PTPRJ: variants seen among roughly 807,000 people sequenced by gnomAD.
PTPRJ encodes the protein protein tyrosine phosphatase receptor type J, also known as receptor-type tyrosine-protein phosphatase eta.
A neutral mutation model predicts 141.3 loss-of-function variants in PTPRJ; 129 were observed. The ratio of observed to expected loss-of-function variants is 0.91; its 90% CI spans 0.79 to 1.06. PTPRJ has a LOEUF of 1.06. PTPRJ is among the 50% of genes least tolerant of loss of function. The pLI is 0.00. For synonymous variants in PTPRJ, 610 were observed against 640.5 expected (o/e 0.95, Z 0.72); for missense variants, 1,601 against 1,679.7 (o/e 0.95, Z 0.82).
Position 48,153,808 on chromosome 11 carries a change from G to A in PTPRJ, c.3151G>A (p.Val1051Ile). ...GTTTTGTTTTCAGGATCTGAAGCTT[G>A]TTGGAATTAGTCAACCTAAATATGC... ...FAEEYEDLKLVGISQPKYAAE... is the reference protein window; with the variant it reads ...FAEEYEDLKLIGISQPKYAAE... The change falls in exon 19 of 25, where the codon GTT becomes ATT. Residue 1051 changes from valine (V) to isoleucine (I), a missense_variant. Val to Ile is a conservative substitution (Grantham distance 29, BLOSUM62 3). Coordinates refer to ENST00000418331, the MANE Select transcript of PTPRJ (RefSeq NM_002843.4). 1 of 1,612,040 alleles carries A rather than the reference G, an allele frequency of 6.2e-7. No homozygotes were observed. The highest frequency in any genetic ancestry group is 8.5e-7 in the Non-Finnish European group (1 of 1,178,180).
chr11:48,005,283 C>T (rs2134194317), intron 1 of PTPRJ, among the ~76,000 whole-genome samples: 1 of 152,058 alleles, frequency 6.6e-6, no homozygotes. Flanking sequence ...GCAACCATCA[C>T]TGCTGTCTAG....
At chr11:48,166,063 C>G (rs928471778) in intron 24 of PTPRJ, among the ~76,000 whole-genome samples, 3 of 151,554 alleles carry the variant, frequency 2.0e-5, no homozygotes, top group Admixed American at 2.0e-4. Flanking sequence ...TGGGGTTTCA[C>G]CATGTTGGCC....
At chr11:47,996,589 A>G (rs967656395) in intron 1 of PTPRJ, among the ~76,000 whole-genome samples, 3 of 152,248 alleles carry the variant, frequency 2.0e-5, no homozygotes, top group African/African-American at 7.2e-5. Context: ...CACTCAGTCC[A>G]GATCATGGCA....
intron 10 of PTPRJ, among the ~76,000 whole-genome samples, chr11:48,138,008 C>T (rs923237077): frequency 2.0e-5 from 3 of 152,186 alleles, no homozygotes; most frequent in African/African-American, 7.2e-5. Flanking sequence ...CACTTCTGCT[C>T]ACAGTGCTGA....
chr11:48,131,426 G>A (rs1856982830), intron 8 of PTPRJ: 1 of 759,342 alleles, frequency 1.3e-6, no homozygotes, highest in Non-Finnish European at 2.5e-6. Flanking sequence ...GAGGCCATCT[G>A]TACATGTGGT....
intron 1 of PTPRJ, among the ~76,000 whole-genome samples, chr11:48,037,867 G>T (rs987230630): frequency 1.3e-5 from 2 of 151,772 alleles, no homozygotes; most frequent in Admixed American, 1.3e-4. Flanking sequence ...CCCTATACAG[G>T]CTGACCCCAT....
In PTPRJ at chr11:48,143,029, G is replaced by C. The variant is rs200185493; in HGVS notation, c.2554G>C (p.Val852Leu). 1 of 1,614,138 alleles carries C rather than the reference G, an allele frequency of 6.2e-7. No homozygotes were observed. Among genetic ancestry groups the C allele is most frequent in the Non-Finnish European group, 8.5e-7 (1 of 1,179,998 alleles). Residue 852 changes from valine to leucine, a missense_variant, in exon 12 of 25, where the codon GTC (valine) becomes CTC (leucine). Transcript: ENST00000418331. ...CCACGGACCCATCAAAGCCTATGCT[G>C]TCATTCTCACCACCGGGGAAGGTAA... is the stretch of plus-strand genomic sequence containing the variant. ...ASHGPIKAYA[V>L]ILTTGEAGHP...
chr11:48,126,677 A>G (rs545693887), intron 6 of PTPRJ, among the ~76,000 whole-genome samples: 38 of 151,856 alleles, frequency 2.5e-4, no homozygotes, highest in Middle Eastern at 3.4e-3. Flanking sequence ...TTCATGATCT[A>G]ATTACCTCCC....
chr11:48,119,711 G>T (rs1041739547), intron 3 of PTPRJ, among the ~76,000 whole-genome samples: 5 of 152,144 alleles, frequency 3.3e-5, no homozygotes, highest in Non-Finnish European at 5.9e-5. Context: ...GCTTCCTGCA[G>T]TTTTTTTATT....
chr11:48,005,648 C>G (rs1357818128), intron 1 of PTPRJ, among the ~76,000 whole-genome samples: 1 of 152,210 alleles, frequency 6.6e-6, no homozygotes, highest in East Asian at 1.9e-4. Flanking sequence ...GTGAGTGACA[C>G]TGCTATGAAC....
intron 3 of PTPRJ, among the ~76,000 whole-genome samples, chr11:48,120,314 A>G (rs1370186849): frequency 3.9e-5 from 6 of 152,230 alleles, no homozygotes; most frequent in Non-Finnish European, 8.8e-5. Context: ...TATGTCAGAA[A>G]ACCACTGAGC....
In PTPRJ at chr11:48,074,545, G is replaced by T. The variant is rs1033899040; in HGVS notation, c.97-35513G>T. Among the ~76,000 whole-genome samples, 4 of 152,204 alleles carry T rather than the reference G, an allele frequency of 2.6e-5. No homozygotes were observed. In the East Asian group the frequency reaches 7.7e-4, roughly 29 times the overall value. On this transcript the variant is annotated intron_variant, in intron 1 of 24. Transcript: ENST00000418331. ...CACCAGTTCTGTGAACTTGGGCAAGGTGTGTAATCTTTCTGAGCCTTAATC... is the reference window on the plus strand; with the variant it reads ...CACCAGTTCTGTGAACTTGGGCAAGTTGTGTAATCTTTCTGAGCCTTAATC...
chr11:48,063,242 C>G (rs184712903), intron 1 of PTPRJ, among the ~76,000 whole-genome samples: 1 of 152,160 alleles, frequency 6.6e-6, no homozygotes, highest in East Asian at 1.9e-4. Context: ...GCAGGAGAAT[C>G]GCTTGAATTT....
intron 1 of PTPRJ, among the ~76,000 whole-genome samples, chr11:48,058,622 C>T (rs994930481): frequency 6.6e-6 from 1 of 152,184 alleles, no homozygotes; most frequent in Non-Finnish European, 1.5e-5. Flanking sequence ...TCACCTCTCC[C>T]CAGCCACCGC....
rs76040739 is a variant in PTPRJ, at chr11:47,989,182, C to T, written c.96+8174C>T. 4.6e-5 allele frequency among the ~76,000 whole-genome samples: 7 copies of T among 151,266 alleles called. No homozygotes were observed. In the East Asian group the frequency reaches 7.8e-4, roughly 17 times the overall value. On this transcript the variant is annotated intron_variant, in intron 1 of 24. Transcript: ENST00000418331. ...ACAGGTGTGAGCCACCGCGCCTGGCCGTATCTTGTTATTTTTATTTATATC... is the reference window on the plus strand; with the variant it reads ...ACAGGTGTGAGCCACCGCGCCTGGCTGTATCTTGTTATTTTTATTTATATC...
At chr11:48,041,446 G>A (rs975716706) in intron 1 of PTPRJ, among the ~76,000 whole-genome samples, 7 of 152,092 alleles carry the variant, frequency 4.6e-5, no homozygotes, top group African/African-American at 9.7e-5. Flanking sequence ...GACACATAGC[G>A]TTACTACAAA....
chr11:48,146,033 G>A (rs918223399), intron 14 of PTPRJ, among the ~76,000 whole-genome samples: 1 of 152,126 alleles, frequency 6.6e-6, no homozygotes, highest in Non-Finnish European at 1.5e-5. Context: ...TAGAGATGGG[G>A]TCTTGCTATG....
chr11:48,040,042 G>T (rs1854235742), intron 1 of PTPRJ, among the ~76,000 whole-genome samples: 1 of 152,244 alleles, frequency 6.6e-6, no homozygotes, highest in African/African-American at 2.4e-5. Flanking sequence ...GCCCGCTGCA[G>T]CTTCCCAGAG....
At chr11:47,982,579 A>T (rs1204254624) in intron 1 of PTPRJ, among the ~76,000 whole-genome samples, 1 of 152,118 alleles carries the variant, frequency 6.6e-6, no homozygotes, top group Non-Finnish European at 1.5e-5. Context: ...TTTATGCTAA[A>T]ACAAAAACCA....
Sources: allele counts gnomAD v4.1 joint callset (sites outside exome capture counted in the v4.1 genomes callset), GRCh38; gene constraint gnomAD v4.1.1; transcripts MANE v1.5; gene names NCBI Gene and HGNC (gene_info 2026-07-23, HGNC 2026-07-21).